Variants in ADAMTSL1 observed in about 807,000 individuals in gnomAD.
ADAMTSL1 encodes ADAMTS-like protein 1.
ADAMTSL1 carries 126 observed loss-of-function variants against 201.8 expected under a neutral mutation model. That is an observed-to-expected ratio of 0.62 (90% CI 0.54 to 0.72). The LOEUF (loss-of-function observed/expected upper bound fraction) is 0.72. Among genes scored for constraint, ADAMTSL1 ranks in the 30% least tolerant of loss-of-function variants. The pLI, the probability that ADAMTSL1 is intolerant of heterozygous loss-of-function variation, is 0.00. For synonymous variants in ADAMTSL1, 1,121 were observed against 903.4 expected, an observed-to-expected ratio of 1.24 and a Z score of -4.32; for missense variants, 2,679 against 2,277.8, an observed-to-expected ratio of 1.18 and a Z score of -3.59.
At chr9:18,724,527 G>A (rs1036053095) in intron 15 of ADAMTSL1, among the ~76,000 whole-genome samples, 2 of 152,210 alleles carry the variant, frequency 1.3e-5, no homozygotes, top group Non-Finnish European at 2.9e-5. Context: ...GTGTGTTTGT[G>A]TGCATGTAGT....
At chr9:18,051,825 A>T (rs994816511) in intron 1 of ADAMTSL1, among the ~76,000 whole-genome samples, 1 of 152,186 alleles carries the variant, frequency 6.6e-6, no homozygotes, top group African/African-American at 2.4e-5. Context: ...GTCTGCTTAA[A>T]CAGATGCTGA....
intron 23 of ADAMTSL1, among the ~76,000 whole-genome samples, chr9:18,881,804 C>CTGTT (rs1342130373): frequency 2.6e-5 from 4 of 152,156 alleles, no homozygotes; most frequent in African/African-American, 7.2e-5. Flanking sequence ...TCTCAAAGGC[C>CTGTT]TGTTAGTTGC....
chr9:18,109,013 T>C (rs1824884730), intron 1 of ADAMTSL1, among the ~76,000 whole-genome samples: 1 of 152,172 alleles, frequency 6.6e-6, no homozygotes, highest in Non-Finnish European at 1.5e-5. Flanking sequence ...CTCAGTGCTA[T>C]AGTTTTTTTG....
chr9:18,097,723 A>T (rs186845605), intron 1 of ADAMTSL1, among the ~76,000 whole-genome samples: 64 of 152,294 alleles, frequency 4.2e-4, no homozygotes, highest in African/African-American at 1.3e-3. Context: ...TAGTTCATAC[A>T]GCTCCTTTTG....
chr9:18,776,661 C>A, intron 18 of ADAMTSL1, 120 bp from the exon 19 acceptor site: 1 of 1,185,874 alleles, frequency 8.4e-7, no homozygotes, highest in Non-Finnish European at 1.1e-6. Flanking sequence ...GCACCTTCGT[C>A]TCTCCTTCTC....
chr9:17,932,324 G>A (rs1393380661), intron 1 of ADAMTSL1, among the ~76,000 whole-genome samples: 1 of 152,154 alleles, frequency 6.6e-6, no homozygotes, highest in Non-Finnish European at 1.5e-5. Flanking sequence ...CTCCAAGAGG[G>A]TCCCGGGTAT....
chr9:17,939,389 A>G (rs997457435), intron 1 of ADAMTSL1, among the ~76,000 whole-genome samples: 1 of 150,914 alleles, frequency 6.6e-6, no homozygotes, highest in Non-Finnish European at 1.5e-5. Flanking sequence ...TCCCCTTTCT[A>G]CCATTTTTTT....
At chr9:18,344,228 A>G (rs1835598244) in intron 2 of ADAMTSL1, among the ~76,000 whole-genome samples, 1 of 151,900 alleles carries the variant, frequency 6.6e-6, no homozygotes, top group Non-Finnish European at 1.5e-5. Flanking sequence ...TTTTTCATTT[A>G]TTTTCTATAT....
rs1349163763 is a variant in ADAMTSL1, at chr9:18,411,710, T to A, written c.208-93119T>A. On this transcript the variant is annotated intron_variant, in intron 2 of 29. Coordinates refer to the ADAMTSL1 transcript ENST00000680146. Reference sequence around the variant, plus strand: ...TCATCTATCCTTCCATGACCCCCATTTTTTTAGTGTATTTAAAAGCAAATC... The same window carrying A: ...TCATCTATCCTTCCATGACCCCCATATTTTTAGTGTATTTAAAAGCAAATC... Among the ~76,000 whole-genome samples, 4 of 152,312 alleles carry A rather than the reference T, an allele frequency of 2.6e-5. No homozygotes were observed. The South Asian group carries it at 8.3e-4, about 32-fold the overall frequency.
chr9:18,257,985 T>G (rs1480319232), intron 2 of ADAMTSL1, among the ~76,000 whole-genome samples: 1 of 152,184 alleles, frequency 6.6e-6, no homozygotes, highest in African/African-American at 2.4e-5. Context: ...AGTTATTGTT[T>G]CCTGGGTACA....
chr9:18,164,786 C>G (rs1827560267), intron 2 of ADAMTSL1, among the ~76,000 whole-genome samples: 1 of 151,800 alleles, frequency 6.6e-6, no homozygotes, highest in African/African-American at 2.4e-5. Context: ...TTATTTCTAC[C>G]TTCTGTACCC....
chr9:18,681,897 C>G lies in ADAMTSL1; in HGVS notation c.1427C>G (p.Pro476Arg). ...HRGMHTGGCS[P>R]KTKPHIKEEC... Reference sequence around the variant, plus strand: ...GGAATGCACACAGGAGGCTGTAGCCCAAAAACAAAGCCCCACATAAAAGAG... The same window carrying G: ...GGAATGCACACAGGAGGCTGTAGCCGAAAAACAAAGCCCCACATAAAAGAG... Residue 476 changes from proline (P) to arginine (R), a missense_variant, in exon 12 of 29, where the codon CCA becomes CGA. Physicochemically the swap from Pro to Arg is moderately radical, Grantham distance 103 (BLOSUM62 -2). Coordinates refer to ENST00000380548, the MANE Select transcript of ADAMTSL1 (RefSeq NM_001040272.6). 1.2e-6 allele frequency: 2 copies of G among 1,614,006 alleles called. No homozygotes were observed. Among genetic ancestry groups the G allele is most frequent in the Non-Finnish European group, 1.7e-6 (2 of 1,179,996 alleles).
intron 1 of ADAMTSL1, among the ~76,000 whole-genome samples, chr9:18,026,413 T>C (rs117385328): frequency 9.0e-4 from 137 of 152,168 alleles, no homozygotes; most frequent in Non-Finnish European, 1.6e-3. Flanking sequence ...GTTTTACTTG[T>C]TGAAGGATAC....
chr9:17,921,215 G>T (rs902854101), intron 1 of ADAMTSL1, among the ~76,000 whole-genome samples: 3 of 151,956 alleles, frequency 2.0e-5, no homozygotes, highest in African/African-American at 7.3e-5. Context: ...TTAAATTTAC[G>T]TAGATTTTGA....
chr9:18,594,868 A>G (rs542059992), intron 4 of ADAMTSL1, among the ~76,000 whole-genome samples: 99 of 152,202 alleles, frequency 6.5e-4, no homozygotes, highest in Admixed American at 9.8e-4. Flanking sequence ...GTGCTTGTGA[A>G]AGAGCAACAA....
At chr9:18,535,133 C>A (rs943079679) in intron 3 of ADAMTSL1, among the ~76,000 whole-genome samples, 1 of 152,174 alleles carries the variant, frequency 6.6e-6, no homozygotes, top group Admixed American at 6.5e-5. Context: ...GTTTTATGCT[C>A]TGCTTCCTCT....
chr9:18,245,716 A>G (rs1335870736), intron 2 of ADAMTSL1, among the ~76,000 whole-genome samples: 1 of 150,942 alleles, frequency 6.6e-6, no homozygotes, highest in Non-Finnish European at 1.5e-5. Flanking sequence ...TTTTTTTTCA[A>G]TGAAAGAGTA....
chr9:18,617,062 C>T (rs925554835), intron 4 of ADAMTSL1, among the ~76,000 whole-genome samples: 1 of 152,094 alleles, frequency 6.6e-6, no homozygotes, highest in African/African-American at 2.4e-5. Flanking sequence ...TTTCCCAGTG[C>T]TGAAAATAGA....
At chr9:18,015,741 A>G (rs1820231352) in intron 1 of ADAMTSL1, among the ~76,000 whole-genome samples, 1 of 151,988 alleles carries the variant, frequency 6.6e-6, no homozygotes, top group African/African-American at 2.4e-5. Context: ...AGGGCTTCTC[A>G]TCCTAGGCTG....
Sources: allele counts gnomAD v4.1 joint callset (sites outside exome capture counted in the v4.1 genomes callset), GRCh38; gene constraint gnomAD v4.1.1; transcripts MANE v1.5; gene names NCBI Gene and HGNC (gene_info 2026-07-23, HGNC 2026-07-21).